Variants in BACE2 observed in about 807,000 individuals in gnomAD.
The protein encoded by BACE2 is 56 kDa aspartic-like protease.
BACE2 carries 17 observed loss-of-function variants against 46.2 expected under a neutral mutation model. The observed-to-expected ratio is 0.37, with a 90% CI of 0.25 to 0.55. BACE2 has a LOEUF of 0.55. Among genes scored for constraint, BACE2 ranks in the 20% least tolerant of loss-of-function variants. The pLI is 0.82. For missense variants in BACE2, 595 were observed against 698.1 expected (o/e 0.85, Z 1.66); for synonymous variants, 277 against 295.9 (o/e 0.94, Z 0.66).
At chr21:41,223,368 C>A (rs1014578812) in intron 1 of BACE2, among the ~76,000 whole-genome samples, 33 of 150,452 alleles carry the variant, frequency 2.2e-4, no homozygotes, top group Middle Eastern at 3.4e-3. Flanking sequence ...AAAAAAAAAA[C>A]CCCAGGAATG....
In BACE2 at chr21:41,168,358, C is replaced by T; in HGVS notation, c.95C>T (p.Pro32Leu). Residue 32 changes from proline to leucine, a missense_variant, in exon 1 of 9, where the codon CCC (proline) becomes CTC (leucine). By Grantham distance (98) the Pro-to-Leu change is moderately conservative. Transcript: ENST00000330333. ...CTGGCCCCCGCGCCCTTCACGCTGC[C>T]CCTCCGGGTGGCCGCGGCCACGAAC... is the stretch of plus-strand genomic sequence containing the variant. ...PELAPAPFTL[P>L]LRVAAATNRV... 7.2e-7 allele frequency: 1 copy of T among 1,391,404 alleles called. No individual in the cohort carries two copies. The highest frequency in any genetic ancestry group is 9.4e-7 in the Non-Finnish European group (1 of 1,068,862). The allele number at this position is 1,391,404 out of a possible 1,614,324, so 86.2% of individuals were successfully genotyped here. A position where few individuals can be genotyped will look rare whatever the true frequency, so the allele number is the denominator to read the frequency against.
chr21:41,216,052 T>C (rs1986457064), intron 1 of BACE2, among the ~76,000 whole-genome samples: 1 of 152,100 alleles, frequency 6.6e-6, no homozygotes, highest in African/African-American at 2.4e-5. Flanking sequence ...GCCGGGGTGT[T>C]TGAGTTTTCC....
intron 1 of BACE2, chr21:41,175,933 G>A (rs1168733426): frequency 6.6e-6 from 1 of 152,156 alleles, no homozygotes; most frequent in Non-Finnish European, 1.5e-5. Context: ...AAAAGCCACT[G>A]ACAAGCAGAC....
Position 41,275,788 on chromosome 21 carries a change from G to C in BACE2, c.*164G>C, listed in dbSNP as rs2088482084. ...CTAGATTCACTGTCTTTTGATTCTT[G>C]ATTTTCAAGCTTTCAAATCCTCCCT... On this transcript the variant is annotated 3_prime_UTR_variant, in exon 9 of 9. Transcript: ENST00000330333. The C allele has an allele frequency of 1.2e-6, 1 of 826,990 alleles. No individual in the cohort carries two copies. Among genetic ancestry groups the C allele is most frequent in the Admixed American group, 3.0e-5 (1 of 33,522 alleles). The allele number at this position is 826,990 out of a possible 1,614,324, so 51.2% of individuals were successfully genotyped here.
Position 41,275,840 on chromosome 21 carries a change from A to C in BACE2, c.*216A>C, listed in dbSNP as rs1406615106. ...CTTCCAAGAAAAATAATTAAAAAAA[A>C]AACTTCATTCTAAACCAAAACAGAG... On this transcript the variant is annotated 3_prime_UTR_variant, in exon 9 of 9. Coordinates refer to ENST00000330333, the MANE Select transcript of BACE2 (RefSeq NM_012105.5). The C allele has an allele frequency of 1.5e-6, 1 of 656,682 alleles. No individual in the cohort carries two copies. Among genetic ancestry groups the C allele is most frequent in the Non-Finnish European group, 2.5e-6 (1 of 401,334 alleles). 40.7% of individuals were successfully genotyped at this position (656,682 alleles called of 1,614,324 possible).
chr21:41,192,796 G>A (rs759199871), intron 1 of BACE2, among the ~76,000 whole-genome samples: 9 of 152,210 alleles, frequency 5.9e-5, no homozygotes, highest in African/African-American at 1.7e-4. Context: ...CGGCTCACTC[G>A]ATAAATGGGC....
chr21:41,256,946 G>C (rs1987802396), intron 7 of BACE2, among the ~76,000 whole-genome samples: 1 of 152,094 alleles, frequency 6.6e-6, no homozygotes, highest in Non-Finnish European at 1.5e-5. Context: ...GGTGCATGTG[G>C]GTCACCTGTG....
chr21:41,270,404 C>G (rs79664730), intron 8 of BACE2, among the ~76,000 whole-genome samples: 1 of 152,160 alleles, frequency 6.6e-6, no homozygotes, highest in East Asian at 1.9e-4. Flanking sequence ...TCGCCTAACC[C>G]CAGGACACAA....
chr21:41,221,099 C>G (rs1165090593), intron 1 of BACE2, among the ~76,000 whole-genome samples: 4 of 150,684 alleles, frequency 2.7e-5, no homozygotes, highest in Non-Finnish European at 5.9e-5. Flanking sequence ...AGATTCACTT[C>G]AAACCTTCAT....
intron 1 of BACE2, chr21:41,182,233 C>T (rs1455809999): frequency 6.0e-6 from 1 of 167,062 alleles, no homozygotes; most frequent in Non-Finnish European, 1.5e-5. Context: ...GTTGTAGTGC[C>T]CTTCCTTTGT....
chr21:41,168,772 C>T (rs1235245165), intron 1 of BACE2, among the ~76,000 whole-genome samples, 197 bp downstream of exon 1: 2 of 152,072 alleles, frequency 1.3e-5, no homozygotes, highest in African/African-American at 2.4e-5. Flanking sequence ...ACGGCAGCCC[C>T]CGCCCGGGGC....
Position 41,208,518 on chromosome 21 carries a change from G to A in BACE2, c.313-17748G>A, listed in dbSNP as rs201706965. Reference sequence around the variant, plus strand: ...CCAGGGGGAGGCCTGTGTGGTCCCCGTTTGTTCGGAGATGATAAGGAGTCC... The same window carrying A: ...CCAGGGGGAGGCCTGTGTGGTCCCCATTTGTTCGGAGATGATAAGGAGTCC... On this transcript the variant is annotated intron_variant, in intron 1 of 8. Coordinates refer to ENST00000330333, the MANE Select transcript of BACE2 (RefSeq NM_012105.5). Among the ~76,000 whole-genome samples, 22 of 152,294 alleles carry A rather than the reference G, an allele frequency of 1.4e-4. 1 individual carries two copies. The Middle Eastern group carries it at 0.01, about 71-fold the overall frequency.
Position 41,279,267 on chromosome 21 carries a change from A to G in BACE2, c.*3643A>G, listed in dbSNP as rs2088520895. On this transcript the variant is annotated 3_prime_UTR_variant, in exon 9 of 9. Transcript: ENST00000330333. ...AAAGAATAAGAATATAATTAAAAGTATGCTAACAAAATAAGCAGTACATAT... is the reference window on the plus strand; with the variant it reads ...AAAGAATAAGAATATAATTAAAAGTGTGCTAACAAAATAAGCAGTACATAT... The G allele has an allele frequency of 6.6e-6, 1 of 152,208 alleles. No individual in the cohort carries two copies. Among genetic ancestry groups the G allele is most frequent in the Admixed American group, 6.5e-5 (1 of 15,276 alleles). 9.4% of individuals were successfully genotyped at this position (152,208 alleles called of 1,614,324 possible).
chr21:41,227,883 G>A lies in BACE2; in HGVS notation c.401+1529G>A, dbSNP rs150804715. On this transcript the variant is annotated intron_variant, in intron 2 of 8. Transcript: ENST00000330333. The stretch of plus-strand genomic sequence containing the variant: ...ATGCTGCCCCGTCCCACTCAGATCT[G>A]TGATTCATCCAAGTCCTCAGTCCCC... Among the ~76,000 whole-genome samples the A allele has an allele frequency of 2.5e-3, 379 of 152,256 alleles. 3 individuals are homozygous for A. Among genetic ancestry groups the A allele is most frequent in the African/African-American group, 8.4e-3 (350 of 41,532 alleles).
rs185975308 is a variant in BACE2 at position 41,191,758 on chromosome 21, G to A, written c.312+23183G>A. On this transcript the variant is annotated intron_variant, in intron 1 of 8. Coordinates refer to ENST00000330333, the MANE Select transcript of BACE2 (RefSeq NM_012105.5). ...TCATGGACCCACTGGGTGATGACGG[G>A]GGTGGCTGGGGAAAGAGGCTGAGTG... Among the ~76,000 whole-genome samples, 7 of 152,272 alleles carry A rather than the reference G, an allele frequency of 4.6e-5. No homozygotes were observed. The East Asian group carries it at 1.4e-3, about 29-fold the overall frequency.
chr21:41,199,693 G>A lies in BACE2; in HGVS notation c.313-26573G>A, dbSNP rs530349401. Among the ~76,000 whole-genome samples the A allele has an allele frequency of 5.9e-5, 9 of 152,220 alleles. No homozygotes were observed. In the South Asian group the frequency reaches 8.3e-4, roughly 14 times the overall value. On this transcript the variant is annotated intron_variant, in intron 1 of 8. Transcript: ENST00000330333. The stretch of plus-strand genomic sequence containing the variant: ...CTCACGCTTCCTACTTGTTCTAGCC[G>A]GGCTTCGATTCCCTCCGCACTTCTA...
rs747661844 is a variant in BACE2, at chr21:41,179,061, G to A, written c.312+10486G>A. 7 of 1,144,922 alleles carry A rather than the reference G, an allele frequency of 6.1e-6. No individual in the cohort carries two copies. In the South Asian group the frequency reaches 6.3e-5, roughly 10 times the overall value. 70.9% of individuals were successfully genotyped at this position (1,144,922 alleles called of 1,614,324 possible). A position where few individuals can be genotyped will look rare whatever the true frequency, so the allele number is the denominator to read the frequency against. ...CCCAGGCTGCAGCCAGGGAGGTGAAGACTTGAGGGTGTCAGGGTGAGGAGT... is the reference window on the plus strand; with the variant it reads ...CCCAGGCTGCAGCCAGGGAGGTGAAAACTTGAGGGTGTCAGGGTGAGGAGT... On this transcript the variant is annotated intron_variant, in intron 1 of 8. Coordinates refer to ENST00000330333, the MANE Select transcript of BACE2 (RefSeq NM_012105.5).
chr21:41,222,156 G>A (rs968880580), intron 1 of BACE2, among the ~76,000 whole-genome samples: 2 of 152,226 alleles, frequency 1.3e-5, no homozygotes, highest in African/African-American at 2.4e-5. Flanking sequence ...AGTGAGGACT[G>A]TGCTGCCCTC....
intron 6 of BACE2, among the ~76,000 whole-genome samples, chr21:41,247,528 C>T (rs773921935): frequency 9.2e-5 from 14 of 152,238 alleles, no homozygotes; most frequent in Non-Finnish European, 1.6e-4. Flanking sequence ...GCAGAATTAA[C>T]GGGAGTATCT....
Sources: allele counts gnomAD v4.1 joint callset (sites outside exome capture counted in the v4.1 genomes callset), GRCh38; gene constraint gnomAD v4.1.1; transcripts MANE v1.5; gene names NCBI Gene and HGNC (gene_info 2026-07-23, HGNC 2026-07-21).